The following BMPR1A variants were observed in gnomAD, a reference collection of about 807,000 sequenced individuals.
BMPR1A encodes the protein bone morphogenetic protein receptor type-1A.
Under a neutral mutation model 66.0 loss-of-function variants are expected in BMPR1A, and 7 were observed. The ratio of observed to expected loss-of-function variants is 0.11; its 90% CI spans 0.06 to 0.20. The LOEUF is 0.20. Among genes scored for constraint, BMPR1A ranks in the 10% least tolerant of loss-of-function variants. The pLI is 1.00. For missense variants in BMPR1A, 408 were observed against 669.1 expected, an observed-to-expected ratio of 0.61 and a Z score of 4.31; for synonymous variants, 200 against 229.7, an observed-to-expected ratio of 0.87 and a Z score of 1.17.
chr10:86,847,250 T>A (rs976372079), intron 2 of BMPR1A, among the ~76,000 whole-genome samples: 4 of 152,310 alleles, frequency 2.6e-5, no homozygotes, highest in Admixed American at 1.3e-4. Flanking sequence ...TCAGGTAATA[T>A]GAGGTTTTCT....
At chr10:86,931,278 T>TGCGC (rs1358738995), downstream of BMPR1A, 22 of 104,776 alleles carry the variant, frequency 2.1e-4, 3 homozygotes, top group African/African-American at 5.5e-4. Context: ...TATATATATA[T>TGCGC]ATACACACAC....
At chr10:86,890,869 G>GT (rs1187578358) in intron 4 of BMPR1A, among the ~76,000 whole-genome samples, 12 of 152,218 alleles carry the variant, frequency 7.9e-5, no homozygotes, top group African/African-American at 2.2e-4. Context: ...TTTTTCTAGT[G>GT]TATTTCGTGT....
intron 3 of BMPR1A, among the ~76,000 whole-genome samples, chr10:86,876,745 C>T (rs566451599): frequency 6.6e-5 from 10 of 152,298 alleles, no homozygotes; most frequent in African/African-American, 2.4e-4. Context: ...GCACTCTAGC[C>T]TGGGCGACAG....
chr10:86,832,204 A>G (rs1466684809), intron 1 of BMPR1A, among the ~76,000 whole-genome samples: 1 of 152,222 alleles, frequency 6.6e-6, no homozygotes, highest in Non-Finnish European at 1.5e-5. Context: ...GCGGTGGCTC[A>G]TACCTGTAAT....
intron 1 of BMPR1A, among the ~76,000 whole-genome samples, chr10:86,818,311 C>T (rs2132985396): frequency 6.6e-6 from 1 of 152,320 alleles, no homozygotes; most frequent in Admixed American, 6.5e-5. Context: ...GCCACCGTGT[C>T]CCGCCAGCTA....
intron 3 of BMPR1A, among the ~76,000 whole-genome samples, chr10:86,883,498 C>T (rs1843021109): frequency 2.2e-5 from 3 of 134,654 alleles, no homozygotes; most frequent in African/African-American, 2.8e-5. Flanking sequence ...TGTAGTGAGC[C>T]GAGATCACGC....
At chr10:86,853,251 C>T (rs2133193244) in intron 2 of BMPR1A, among the ~76,000 whole-genome samples, 1 of 151,794 alleles carries the variant, frequency 6.6e-6, no homozygotes, top group Admixed American at 6.6e-5. Context: ...CACCCACTTT[C>T]ATATATTCAG....
chr10:86,865,451 TTATC>T (rs1238138020), intron 2 of BMPR1A, among the ~76,000 whole-genome samples: 1 of 152,124 alleles, frequency 6.6e-6, no homozygotes, highest in Non-Finnish European at 1.5e-5. Flanking sequence ...TAATTTTCCT[TTATC>T]TACCCAAATC....
intron 1 of BMPR1A, among the ~76,000 whole-genome samples, chr10:86,777,198 A>G (rs79494763): frequency 0.067 from 10,153 of 152,224 alleles, 418 homozygotes; most frequent in Non-Finnish European, 0.076. Flanking sequence ...TTAATAGAGA[A>G]ACCCCAGTTT....
At chr10:86,769,335 G>A (rs1469967161) in intron 1 of BMPR1A, among the ~76,000 whole-genome samples, 1 of 152,188 alleles carries the variant, frequency 6.6e-6, no homozygotes, top group East Asian at 1.9e-4. Flanking sequence ...CTTGAGGCCA[G>A]GATTTTGCAG....
intron 1 of BMPR1A, among the ~76,000 whole-genome samples, chr10:86,794,633 C>T (rs190740184): frequency 4.9e-4 from 74 of 152,080 alleles, no homozygotes; most frequent in Non-Finnish European, 7.6e-4. Flanking sequence ...AAGGTGAGAA[C>T]GTTCAGTACA....
intron 1 of BMPR1A, among the ~76,000 whole-genome samples, chr10:86,818,208 A>G (rs1176241300): frequency 2.0e-5 from 3 of 152,152 alleles, no homozygotes; most frequent in African/African-American, 7.2e-5. Flanking sequence ...TAGTAGAGAC[A>G]GGGTTTCCCC....
chr10:86,828,320 A>G (rs1355022344), intron 1 of BMPR1A, among the ~76,000 whole-genome samples: 1 of 152,236 alleles, frequency 6.6e-6, no homozygotes, highest in Non-Finnish European at 1.5e-5. Flanking sequence ...TCCAGGGATG[A>G]CATAAAGGAG....
rs1433727730 is a variant in BMPR1A at position 86,790,181 on chromosome 10, AAAAAAAAATATATATATATAT to A, written c.-268+33264_-268+33284del. On this transcript the variant is annotated intron_variant, in intron 1 of 12. Transcript: ENST00000372037. ...TGTCTCCAAAAAAAAAAAAAAAAAA[AAAAAAAAATATATATATATAT>A]ATATATATATATATATATATATATA... Among the ~76,000 whole-genome samples, 45 of 42,380 alleles carry A rather than the reference AAAAAAAAATATATATATATAT, an allele frequency of 1.1e-3. 2 individuals are homozygous for A. The highest frequency in any genetic ancestry group is 6.3e-3 in the African/African-American group (44 of 7,038). The allele number at this position is 42,380 out of a possible 152,430, so 27.8% of individuals were successfully genotyped here.
At chr10:86,845,854 G>A (rs537149994) in intron 2 of BMPR1A, among the ~76,000 whole-genome samples, 152 of 152,064 alleles carry the variant, frequency 1.0e-3, no homozygotes, top group African/African-American at 3.5e-3. Flanking sequence ...AAAATTAGCC[G>A]GGTGTGATGG....
chr10:86,800,333 G>C (rs527974682), intron 1 of BMPR1A, among the ~76,000 whole-genome samples: 2 of 152,102 alleles, frequency 1.3e-5, no homozygotes, highest in African/African-American at 4.8e-5. Flanking sequence ...GTGAGCCGAG[G>C]GGGGAGTGAT....
intron 1 of BMPR1A, among the ~76,000 whole-genome samples, chr10:86,795,427 T>C (rs200656688): frequency 6.9e-6 from 1 of 145,382 alleles, no homozygotes; most frequent in Non-Finnish European, 1.5e-5. Flanking sequence ...TTTTTTTTTT[T>C]TCCTAACGCT....
At chr10:86,841,392 AAAAG>A (rs1842422404) in intron 2 of BMPR1A, among the ~76,000 whole-genome samples, 1 of 152,194 alleles carries the variant, frequency 6.6e-6, no homozygotes, top group Admixed American at 6.5e-5. Context: ...TATAATTTTC[AAAAG>A]AATTTGAAAA....
chr10:86,792,649 C>T (rs1388858043), intron 1 of BMPR1A, among the ~76,000 whole-genome samples: 1 of 152,110 alleles, frequency 6.6e-6, no homozygotes, highest in Non-Finnish European at 1.5e-5. Flanking sequence ...AACAAACAAA[C>T]AGAACTTCAG....
Sources: gnomAD v4.1 joint callset for allele counts (sites outside exome capture counted in the v4.1 genomes callset) on GRCh38, gnomAD v4.1.1 for gene constraint, MANE v1.5 for transcripts, NCBI Gene and HGNC (gene_info 2026-07-23, HGNC 2026-07-21) for gene names.